SYNE3: variants seen among roughly 807,000 people sequenced by gnomAD.
SYNE3 encodes the protein nesprin-3.
Under a neutral mutation model 111.2 loss-of-function variants are expected in SYNE3, and 100 were observed. The ratio of observed to expected loss-of-function variants is 0.90; its 90% confidence interval spans 0.77 to 1.06. SYNE3 has a LOEUF of 1.06. Ranked by LOEUF, SYNE3 falls within the 50% of genes least tolerant of loss-of-function variation. The pLI, the probability that SYNE3 is intolerant of heterozygous loss-of-function variation, is 0.00. For missense variants in SYNE3, 1,160 were observed against 1,240.3 expected (o/e 0.94, Z 0.97); for synonymous variants, 547 against 533.9 (o/e 1.02, Z -0.34).
At chr14:95,438,823 C>CATTAAAAAA in intron 14 of SYNE3, 1 of 613,284 alleles carries the variant, frequency 1.6e-6, no homozygotes, top group Non-Finnish European at 2.7e-6. Flanking sequence ...CCTGGCTCTG[C>CATTAAAAAA]AGACTCTGGG....
chr14:95,479,889 G>A (rs561341157), intron 1 of SYNE3, among the ~76,000 whole-genome samples: 18 of 152,206 alleles, frequency 1.2e-4, no homozygotes, highest in Non-Finnish European at 1.5e-5. Flanking sequence ...GAGGAGGGAA[G>A]CACTCTGCAC....
intron 4 of SYNE3, among the ~76,000 whole-genome samples, chr14:95,462,675 C>A (rs1363757585): frequency 6.6e-6 from 1 of 152,238 alleles, no homozygotes; most frequent in African/African-American, 2.4e-5. Context: ...CTCAAACCTG[C>A]CTTTCACTGT....
intron 17 of SYNE3, among the ~76,000 whole-genome samples, chr14:95,418,236 TGAAAGGAA>T (rs1043019314): frequency 6.6e-6 from 1 of 152,204 alleles, no homozygotes; most frequent in Non-Finnish European, 1.5e-5. Flanking sequence ...ATTCAAGGCA[TGAAAGGAA>T]GAATAGAAAA....
Position 95,412,409 on chromosome 14 carries a change from G to C in SYNE3, c.*5417C>G, listed in dbSNP as rs1445347855. 6.6e-6 allele frequency: 1 copy of C among 152,318 alleles called. No homozygotes were observed. The highest frequency in any genetic ancestry group is 1.5e-5 in the Non-Finnish European group (1 of 68,116). 9.4% of individuals were successfully genotyped at this position (152,318 alleles called of 1,614,324 possible). ...TTCTTCGTCTGCAAGCTCCCTGAGG[G>C]CAGGGACTGGGCTTTGTTCACCCCG... On this transcript the variant is annotated 3_prime_UTR_variant, in exon 18 of 18. Coordinates refer to ENST00000682763, the MANE Select transcript of SYNE3 (RefSeq NM_152592.6).
chr14:95,486,747 T>A (rs1889571171), intron 1 of SYNE3, among the ~76,000 whole-genome samples: 1 of 152,246 alleles, frequency 6.6e-6, no homozygotes, highest in Admixed American at 6.5e-5. Flanking sequence ...GATGAACATG[T>A]CTTTCCATTG....
chr14:95,412,504 A>C lies in SYNE3; in HGVS notation c.*5322T>G, dbSNP rs1903461587. On this transcript the variant is annotated 3_prime_UTR_variant, in exon 18 of 18. Coordinates refer to ENST00000682763, the MANE Select transcript of SYNE3 (RefSeq NM_152592.6). ...GCATTGGATTAAGATGCAAAGAGGC[A>C]CAGGGCACTTCTGCCCACCAACCAG... 6.6e-6 allele frequency: 1 copy of C among 152,318 alleles called. No homozygotes were observed. The highest frequency in any genetic ancestry group is 1.5e-5 in the Non-Finnish European group (1 of 68,090). The allele number at this position is 152,318 out of a possible 1,614,324, so 9.4% of individuals were successfully genotyped here.
chr14:95,488,122 C>T (rs965990465), intron 1 of SYNE3, among the ~76,000 whole-genome samples: 2 of 152,104 alleles, frequency 1.3e-5, no homozygotes, highest in African/African-American at 4.8e-5. Flanking sequence ...TATTAATCAA[C>T]TTTATGTTAT....
rs910708956 is a variant in SYNE3, at chr14:95,439,634, G to A, written c.2224C>T (p.Leu742=). ...CACCTCAGCAGACTTTCTTCCAGCA[G>A]CCTCAAGGCCCGCCACGACTCTGCC... The part of the protein sequence containing the change: ...ELAESWRALR[L]LEESLLSLIR... The change falls in exon 13 of 18, where the codon CTG becomes TTG. Residue 742 remains leucine (L), a synonymous_variant. Transcript: ENST00000682763. The A allele has an allele frequency of 6.2e-7, 1 of 1,611,686 alleles. No homozygotes were observed. The highest frequency in any genetic ancestry group is 1.3e-5 in the African/African-American group (1 of 74,910).
intron 1 of SYNE3, among the ~76,000 whole-genome samples, chr14:95,515,980 T>C (rs1432277173): frequency 6.6e-6 from 1 of 152,234 alleles, no homozygotes; most frequent in Non-Finnish European, 1.5e-5. Context: ...TGAGGCTCTC[T>C]CAGGCCCTGC....
At chr14:95,514,204 A>C (rs1440045570) in intron 1 of SYNE3, among the ~76,000 whole-genome samples, 1 of 152,134 alleles carries the variant, frequency 6.6e-6, no homozygotes, top group Non-Finnish European at 1.5e-5. Context: ...GAAAATATTC[A>C]TTATCACCCC....
rs367881284 is a variant in SYNE3, at chr14:95,443,165, C to T, written c.1901G>A (p.Arg634Lys). The T allele has an allele frequency of 1.4e-5, 22 of 1,613,944 alleles. No individual in the cohort carries two copies. The highest frequency in any genetic ancestry group is 1.9e-5 in the Non-Finnish European group (22 of 1,179,914). Residue 634 changes from arginine (R) to lysine (K), a missense_variant, in exon 11 of 18, where the codon AGG becomes AAG. Arg to Lys is a conservative substitution (Grantham distance 26, BLOSUM62 2). Coordinates refer to ENST00000682763, the MANE Select transcript of SYNE3 (RefSeq NM_152592.6). ...CTGCCAGCCCCTTACCTCCAGAGAC[C>T]TCTGCAGGGCCTGGAAGTCGGAGGA... ...QLSSDFQALQ[R>K]SLEDLVDRCR... is the part of the protein sequence containing the mutation.
rs752083442 is a variant in SYNE3, at chr14:95,445,947, G to A, written c.1594C>T (p.Leu532=). 5.0e-6 allele frequency: 8 copies of A among 1,614,108 alleles called. No individual in the cohort carries two copies. In the South Asian group the frequency reaches 8.8e-5, roughly 18 times the overall value. The change falls in exon 9 of 18, where the codon CTG becomes TTG. Residue 532 remains leucine (L), a synonymous_variant. Transcript: ENST00000682763. ...VAGSMRDRDL[L]HNSLLQRKSK... is the part of the protein sequence containing the mutation. ...TTCCTCTGCAGGAGGCTGTTATGCA[G>A]CAGGTCTCTGTCCCTCATGGAACCT... is the stretch of plus-strand genomic sequence containing the variant.
Position 95,439,666 on chromosome 14 carries a change from C to G in SYNE3, c.2192G>C (p.Arg731Thr). ...GGCCCGCCACGACTCTGCCAGCTCCCTGAGCTCCTCCTGCACCACGGCAGC... is the reference window on the plus strand; with the variant it reads ...GGCCCGCCACGACTCTGCCAGCTCCGTGAGCTCCTCCTGCACCACGGCAGC... ...EGAAVVQEEL[R>T]ELAESWRALR... Residue 731 changes from arginine to threonine, a missense_variant, in exon 13 of 18, where the codon AGG becomes ACG. Coordinates refer to ENST00000682763, the MANE Select transcript of SYNE3 (RefSeq NM_152592.6). 6.2e-7 allele frequency: 1 copy of G among 1,614,048 alleles called. No individual in the cohort carries two copies. Among genetic ancestry groups the G allele is most frequent in the African/African-American group, 1.3e-5 (1 of 75,064 alleles).
chr14:95,479,526 G>A (rs77687505), intron 1 of SYNE3, among the ~76,000 whole-genome samples: 226 of 152,234 alleles, frequency 1.5e-3, no homozygotes, highest in African/African-American at 4.6e-3. Context: ...AAGGTTGGGG[G>A]AGCATAGGAA....
At chr14:95,434,704 C>T (rs558144257) in intron 15 of SYNE3, among the ~76,000 whole-genome samples, 1 of 152,216 alleles carries the variant, frequency 6.6e-6, no homozygotes, top group Non-Finnish European at 1.5e-5. Context: ...GTTGCCCAGG[C>T]TGGAGTGCAA....
chr14:95,433,621 A>G (rs564597783), intron 15 of SYNE3, among the ~76,000 whole-genome samples: 1 of 152,338 alleles, frequency 6.6e-6, no homozygotes, highest in East Asian at 1.9e-4. Flanking sequence ...TCCTGCATGG[A>G]ACGGGCAGCT....
rs1886504690 is a variant in SYNE3, at chr14:95,443,197, G to A, written c.1869C>T (p.Asp623=). ...QENPNHQHKM[D]QLSSDFQALQ... is the part of the protein sequence containing the mutation. Reference sequence around the variant, plus strand: ...GGGCCTGGAAGTCGGAGGAAAGCTGGTCCATTTTGTGCTGGTGGTTGGGGT... The same window carrying A: ...GGGCCTGGAAGTCGGAGGAAAGCTGATCCATTTTGTGCTGGTGGTTGGGGT... The change falls in exon 11 of 18, where the codon GAC becomes GAT. Residue 623 remains aspartate (D), a synonymous_variant. Transcript: ENST00000682763. The A allele has an allele frequency of 6.2e-7, 1 of 1,614,166 alleles. No homozygotes were observed. The highest frequency in any genetic ancestry group is 1.3e-5 in the African/African-American group (1 of 75,056).
chr14:95,475,919 C>G, intron 1 of SYNE3, 84 bp from the exon 2 acceptor site: 7 of 1,288,470 alleles, frequency 5.4e-6, no homozygotes, highest in Non-Finnish European at 7.0e-6. Context: ...CTGGGACAGG[C>G]CCACTCCCAC....
At chr14:95,498,869 A>G (rs1890209232) in intron 1 of SYNE3, among the ~76,000 whole-genome samples, 1 of 152,206 alleles carries the variant, frequency 6.6e-6, no homozygotes, top group African/African-American at 2.4e-5. Context: ...GCAGCAGGAC[A>G]AGGCGGACTA....
Sources: allele counts gnomAD v4.1 joint callset (sites outside exome capture counted in the v4.1 genomes callset), GRCh38; gene constraint gnomAD v4.1.1; transcripts MANE v1.5; gene names NCBI Gene and HGNC (gene_info 2026-07-23, HGNC 2026-07-21).